Variants in DNAH14 observed in about 807,000 individuals in gnomAD.
The protein encoded by DNAH14 is axonemal beta dynein heavy chain 14.
DNAH14 carries 478 observed loss-of-function variants against 520.9 expected under a neutral mutation model. The ratio of observed to expected loss-of-function variants is 0.92; its 90% CI spans 0.85 to 0.99. DNAH14 has a LOEUF of 0.99. DNAH14 is among the 50% of genes least tolerant of loss of function. The probability of loss-of-function intolerance (pLI) is 0.00; values close to 1 mark genes in which losing one functional copy is unlikely to be tolerated. For synonymous variants in DNAH14, 1,581 were observed against 1,757.2 expected (o/e 0.90, Z 2.51); for missense variants, 4,831 against 5,234.5 (o/e 0.92, Z 2.38).
intron 21 of DNAH14, among the ~76,000 whole-genome samples, chr1:225,087,249 A>C (rs967662612): frequency 5.9e-5 from 9 of 152,220 alleles, no homozygotes; most frequent in African/African-American, 2.2e-4. Context: ...TGGTGGAGGC[A>C]GAAGGGCAAG....
Position 225,374,773 on chromosome 1 carries a change from T to C in DNAH14, c.12404T>C (p.Ile4135Thr), listed in dbSNP as rs201754277. ...CTGCGCTACCTGATTGGAGAAGTGA[T>C]TTACGGTGGCCGGGTGATTGATAAT... ...QALRYLIGEV[I>T]YGGRVIDNWD... Residue 4135 changes from isoleucine (I) to threonine (T), a missense_variant, in exon 78 of 86, where the codon ATT (isoleucine) becomes ACT (threonine). Coordinates refer to ENST00000682510, the MANE Select transcript of DNAH14 (RefSeq NM_001367479.1). The C allele has an allele frequency of 1.2e-4, 186 of 1,551,572 alleles. No homozygotes were observed. The highest frequency in any genetic ancestry group is 1.3e-5 in the Non-Finnish European group (15 of 1,146,954).
rs1185560054 is a variant in DNAH14, at chr1:225,324,815, CAA to C, written c.9708_9709del (p.Gly3238PhefsTer5). On this transcript the variant is annotated frameshift_variant, in exon 64 of 86. Transcript: ENST00000682510. LOFTEE classifies it high-confidence loss of function. ...KIARQRLAEK[Q>X]RGLQLVEEHL... ...TGCGCGACAAAGACTTGCTGAGAAACAAAGAGGTTTACAGCTGGTAAGAAATA... is the reference window on the plus strand; with the variant it reads ...TGCGCGACAAAGACTTGCTGAGAAACAGAGGTTTACAGCTGGTAAGAAATA... 3 of 1,551,112 alleles carry C rather than the reference CAA, an allele frequency of 1.9e-6. No individual in the cohort carries two copies. Among genetic ancestry groups the C allele is most frequent in the Non-Finnish European group, 1.7e-6 (2 of 1,146,832 alleles).
At chr1:225,145,197 A>G in intron 29 of DNAH14, 129 bp from the exon 30 acceptor site, 1 of 629,894 alleles carries the variant, frequency 1.6e-6, no homozygotes, top group East Asian at 2.9e-5. Context: ...TCTAAATTTG[A>G]TTTTTAATTC....
chr1:225,253,629 CAGA>C (rs2092635778), intron 44 of DNAH14, among the ~76,000 whole-genome samples: 1 of 151,720 alleles, frequency 6.6e-6, no homozygotes, highest in African/African-American at 2.4e-5. Context: ...AATCTGTTAT[CAGA>C]AGATGTGTTT....
intron 11 of DNAH14, among the ~76,000 whole-genome samples, chr1:225,037,797 C>A (rs929199611): frequency 2.6e-5 from 4 of 152,168 alleles, no homozygotes; most frequent in Non-Finnish European, 4.4e-5. Context: ...ATTCTCCTGC[C>A]TCAGCCTCCC....
chr1:225,340,612 G>A lies in DNAH14; in HGVS notation c.10589G>A (p.Arg3530His), dbSNP rs771369641. 34 of 1,551,372 alleles carry A rather than the reference G, an allele frequency of 2.2e-5. No homozygotes were observed. The highest frequency in any genetic ancestry group is 9.8e-5 in the East Asian group (4 of 40,832). Residue 3530 changes from arginine to histidine, a missense_variant, in exon 69 of 86, where the codon CGT (arginine) becomes CAT (histidine). Physicochemically the swap from Arg to His is conservative, Grantham distance 29 (BLOSUM62 0). Coordinates refer to ENST00000682510, the MANE Select transcript of DNAH14 (RefSeq NM_001367479.1). ...THEVPHLEDQ[R>H]SKLLESISLD... ...GAAGTTCCTCATTTAGAAGATCAAC[G>A]TTCCAAGTTACTGGAGAGTATTTCC...
At chr1:225,112,481 C>A in intron 23 of DNAH14, among the ~76,000 whole-genome samples, 1 of 152,086 alleles carries the variant, frequency 6.6e-6, no homozygotes, top group East Asian at 1.9e-4. Flanking sequence ...TGTTCTATAA[C>A]CTTCTTGTAC....
intron 54 of DNAH14, among the ~76,000 whole-genome samples, chr1:225,286,430 C>T (rs1029497003): frequency 1.3e-4 from 20 of 151,988 alleles, no homozygotes; most frequent in African/African-American, 4.6e-4. Flanking sequence ...ACAATTATCA[C>T]ATCAACTAAA....
intron 46 of DNAH14, among the ~76,000 whole-genome samples, chr1:225,261,352 A>G (rs1207961093): frequency 6.6e-6 from 1 of 152,126 alleles, no homozygotes; most frequent in African/African-American, 2.4e-5. Flanking sequence ...ATGAAAAGGT[A>G]TTCAATTTTG....
At chr1:225,128,177 A>G (rs1216570311) in intron 27 of DNAH14, among the ~76,000 whole-genome samples, 2 of 151,964 alleles carry the variant, frequency 1.3e-5, no homozygotes, top group Non-Finnish European at 2.9e-5. Context: ...GAATCTGACA[A>G]TTGTGTCTTG....
chr1:225,079,532 G>T lies in DNAH14; in HGVS notation c.2750G>T (p.Gly917Val), dbSNP rs908967514. ...ATCAGTGGTCTACATGTTGATGTTGGCAATTTAAAAGCCAAGGTAAGTTTT... is the reference window on the plus strand; with the variant it reads ...ATCAGTGGTCTACATGTTGATGTTGTCAATTTAAAAGCCAAGGTAAGTTTT... ...ACISGLHVDVGNLKAKIRTPL... is the reference protein window; with the variant it reads ...ACISGLHVDVVNLKAKIRTPL... The change falls in exon 18 of 86, where the codon GGC (glycine) becomes GTC (valine). Residue 917 changes from glycine to valine, a missense_variant. By Grantham distance (109) the Gly-to-Val change is moderately radical. Transcript: ENST00000682510. 1 of 1,505,596 alleles carries T rather than the reference G, an allele frequency of 6.6e-7. No individual in the cohort carries two copies. Among genetic ancestry groups the T allele is most frequent in the South Asian group, 1.3e-5 (1 of 75,184 alleles). The allele number at this position is 1,505,596 out of a possible 1,614,324, so 93.3% of individuals were successfully genotyped here. A position where few individuals can be genotyped will look rare whatever the true frequency, so the allele number is the denominator to read the frequency against.
chr1:225,217,324 C>A (rs1340714052), intron 41 of DNAH14, among the ~76,000 whole-genome samples: 4 of 152,212 alleles, frequency 2.6e-5, no homozygotes, highest in African/African-American at 9.6e-5. Context: ...TGGGAGGTGT[C>A]TCCCAGTTAG....
chr1:224,969,444 G>A (rs2061375983), intron 7 of DNAH14: 1 of 159,714 alleles, frequency 6.3e-6, no homozygotes, highest in African/African-American at 2.4e-5. Flanking sequence ...GTTTTGTCTG[G>A]TAGATATATA....
rs182635389 is a variant in DNAH14 at position 224,978,080 on chromosome 1, A to C, written c.830+3927A>C. ...TGTTGGTGGGAATGTAAATTAGCAC[A>C]ACCATATGGAAAAACAGTACGGAGG... On this transcript the variant is annotated intron_variant, in intron 8 of 85. Transcript: ENST00000682510. 2.6e-5 allele frequency among the ~76,000 whole-genome samples: 4 copies of C among 152,356 alleles called. No individual in the cohort carries two copies. The South Asian group carries it at 8.3e-4, about 32-fold the overall frequency.
chr1:225,045,067 A>G (rs1483544916), intron 15 of DNAH14, among the ~76,000 whole-genome samples: 1 of 152,080 alleles, frequency 6.6e-6, no homozygotes, highest in Non-Finnish European at 1.5e-5. Flanking sequence ...CTTTTCTATA[A>G]TAAAGCCATA....
Position 225,264,944 on chromosome 1 carries a change from G to A in DNAH14, c.7223-238G>A, listed in dbSNP as rs367915836. 5.7e-4 allele frequency among the ~76,000 whole-genome samples: 87 copies of A among 152,240 alleles called. 1 individual carries two copies. The highest frequency in any genetic ancestry group is 1.6e-3 in the Admixed American group (24 of 15,288). ...TCTTAAAAAGTTATATGTGTCTGTC[G>A]TGCATAAATGTATGGAGGACTCTTT... On this transcript the variant is annotated intron_variant, in intron 47 of 85. Transcript: ENST00000682510.
intron 8 of DNAH14, among the ~76,000 whole-genome samples, chr1:225,002,531 A>G (rs1049344215): frequency 6.6e-6 from 1 of 152,112 alleles, no homozygotes; most frequent in Admixed American, 6.6e-5. Context: ...ACTCAGTGGC[A>G]TAACAGAATG....
intron 1 of DNAH14, among the ~76,000 whole-genome samples, chr1:224,933,331 G>A (rs112460740): frequency 0.042 from 6,334 of 152,154 alleles, 218 homozygotes; most frequent in Non-Finnish European, 0.061. Flanking sequence ...GTTTGGTGGA[G>A]TTTTTAGGTA....
chr1:225,343,077 CTT>C (rs1455545244), intron 69 of DNAH14, among the ~76,000 whole-genome samples: 1 of 152,156 alleles, frequency 6.6e-6, no homozygotes, highest in Non-Finnish European at 1.5e-5. Context: ...TAGTTACAAA[CTT>C]TTCCCCACCG....
Sources: allele counts gnomAD v4.1 joint callset (sites outside exome capture counted in the v4.1 genomes callset), GRCh38; gene constraint gnomAD v4.1.1; transcripts MANE v1.5; gene names NCBI Gene and HGNC (gene_info 2026-07-23, HGNC 2026-07-21).